Variants in HTRA4 observed in about 807,000 individuals in gnomAD.
HTRA4 encodes the protein serine protease HTRA4.
In HTRA4, 46 loss-of-function variants were observed where a neutral mutation model predicts 49.1. The observed-to-expected ratio is 0.94, with a 90% CI of 0.74 to 1.20. HTRA4 has a LOEUF of 1.20. Among genes scored for constraint, HTRA4 ranks in the 50% most tolerant of loss-of-function variants. HTRA4 has a pLI of 0.00. For missense variants in HTRA4, 602 were observed against 636.9 expected (o/e 0.95, Z 0.59); for synonymous variants, 261 against 264.0 (o/e 0.99, Z 0.11).
chr8:38,979,134 T>G, intron 4 of HTRA4, 81 bp from the exon 5 acceptor site: 4 of 1,318,538 alleles, frequency 3.0e-6, no homozygotes, highest in Non-Finnish European at 4.4e-6. Flanking sequence ...TTTGGTAAAC[T>G]GTTTTGGGAG....
Position 38,978,051 on chromosome 8 carries a change from T to G in HTRA4, c.870T>G (p.Ala290=), listed in dbSNP as rs980534338. 1.2e-6 allele frequency: 2 copies of G among 1,614,052 alleles called. No homozygotes were observed. The highest frequency in any genetic ancestry group is 2.7e-5 in the African/African-American group (2 of 74,912). The part of the protein sequence containing the change: ...LGSPFSLQNT[A]TAGIVSTKQR... ...GCCCATTTTCTCTGCAGAACACAGC[T>G]ACTGCAGGAATTGTCAGCACCAAAC... The change falls in exon 4 of 9, where the codon GCT becomes GCG. Residue 290 remains alanine, a synonymous_variant. Transcript: ENST00000302495.
intron 7 of HTRA4, 76 bp from the exon 8 acceptor site, chr8:38,982,877 C>T: frequency 1.1e-6 from 1 of 941,800 alleles, no homozygotes; most frequent in Non-Finnish European, 1.7e-6. Flanking sequence ...GAACAGAGTA[C>T]CTACTAAGAA....
chr8:38,977,898 C>T (rs144867751), intron 3 of HTRA4, 55 bp from the exon 4 acceptor site: 83 of 1,568,566 alleles, frequency 5.3e-5, no homozygotes, highest in African/African-American at 5.0e-4. Flanking sequence ...CAATTCTGAT[C>T]GTGATTTGTT....
In HTRA4 at chr8:38,976,614, AATGCCC is replaced by A. The variant is rs779862993; in HGVS notation, c.650_655del (p.Ala217_His218del). On this transcript the variant is annotated inframe_deletion, in exon 3 of 9. Coordinates refer to ENST00000302495, the MANE Select transcript of HTRA4 (RefSeq NM_153692.4). Reference sequence around the variant, plus strand: ...GTCTGAGGACGGGCTCATTATTACCAATGCCCATGTTGTCAGGAACCAGCAGTGGAT... The same window carrying A: ...GTCTGAGGACGGGCTCATTATTACCAATGTTGTCAGGAACCAGCAGTGGAT... 3 of 1,614,112 alleles carry A rather than the reference AATGCCC, an allele frequency of 1.9e-6. No homozygotes were observed. The highest frequency in any genetic ancestry group is 2.5e-6 in the Non-Finnish European group (3 of 1,180,028).
At position 38,979,235 on chromosome 8, in the gene HTRA4, T is replaced by G; in HGVS notation, c.987T>G (p.Pro329=). The G allele has an allele frequency of 6.2e-7, 1 of 1,613,396 alleles. No homozygotes were observed. Among genetic ancestry groups the G allele is most frequent in the Non-Finnish European group, 8.5e-7 (1 of 1,179,288 alleles). ...ATINYGNSGG[P]LVNLDGDVIG... ...TTTAGTATGGGAATTCTGGTGGTCC[T>G]CTGGTGAACTTGGTAAGTGATCACT... The change falls in exon 5 of 9, where the codon CCT becomes CCG. Residue 329 remains proline, a synonymous_variant. Transcript: ENST00000302495.
In HTRA4 at chr8:38,979,896, A is replaced by G. The variant is rs137994121; in HGVS notation, c.999+649A>G. On this transcript the variant is annotated intron_variant, in intron 5 of 8. Transcript: ENST00000302495. Reference sequence around the variant, plus strand: ...AATGTAGGTCCTTGAAGACTCCTTGATGCTGCATATGAAGAACTATCTCTC... The same window carrying G: ...AATGTAGGTCCTTGAAGACTCCTTGGTGCTGCATATGAAGAACTATCTCTC... Among the ~76,000 whole-genome samples the G allele has an allele frequency of 1.2e-3, 180 of 152,314 alleles. 1 individual carries two copies. The highest frequency in any genetic ancestry group is 3.9e-3 in the African/African-American group (163 of 41,570).
chr8:38,983,391 G>A (rs1835446850), intron 8 of HTRA4, among the ~76,000 whole-genome samples: 1 of 151,980 alleles, frequency 6.6e-6, no homozygotes, highest in Admixed American at 6.6e-5. Flanking sequence ...ACAAAAATTA[G>A]TGGGTGCGCC....
chr8:38,975,344 G>A (rs772234790), intron 2 of HTRA4, among the ~76,000 whole-genome samples: 2 of 152,220 alleles, frequency 1.3e-5, no homozygotes, highest in Admixed American at 1.3e-4. Flanking sequence ...GCCCACTTAG[G>A]TGGCTGGTGC....
At chr8:38,983,816 T>G (rs968329614) in intron 8 of HTRA4, among the ~76,000 whole-genome samples, 3 of 151,876 alleles carry the variant, frequency 2.0e-5, no homozygotes, top group African/African-American at 7.3e-5. Flanking sequence ...AGGCTTTTTT[T>G]GTATTTTGGG....
intron 8 of HTRA4, among the ~76,000 whole-genome samples, chr8:38,986,130 C>T (rs891640480): frequency 4.6e-5 from 7 of 152,186 alleles, no homozygotes; most frequent in Non-Finnish European, 8.8e-5. Flanking sequence ...CACTGTATTC[C>T]AGCCTGGGTA....
intron 3 of HTRA4, among the ~76,000 whole-genome samples, chr8:38,977,195 C>T (rs1325122165): frequency 6.6e-6 from 1 of 151,992 alleles, no homozygotes. Context: ...TTCGGCCTCC[C>T]AAAGTGCTGG....
intron 3 of HTRA4, 28 bp from the exon 4 acceptor site, chr8:38,977,925 C>T: frequency 6.2e-7 from 1 of 1,604,700 alleles, no homozygotes; most frequent in Non-Finnish European, 8.5e-7. Flanking sequence ...CCTTTCTGTC[C>T]TCCCCATCCC....
chr8:38,977,560 T>A lies in HTRA4; in HGVS notation c.772-393T>A, dbSNP rs546469900. On this transcript the variant is annotated intron_variant, in intron 3 of 8. Coordinates refer to ENST00000302495, the MANE Select transcript of HTRA4 (RefSeq NM_153692.4). ...CATGCACATTACAGTGTGAGAAGTGTCACCCTGGGTGATCTCCTTTCTGTT... is the reference window on the plus strand; with the variant it reads ...CATGCACATTACAGTGTGAGAAGTGACACCCTGGGTGATCTCCTTTCTGTT... Among the ~76,000 whole-genome samples the A allele has an allele frequency of 2.1e-4, 32 of 152,312 alleles. 1 individual carries two copies. In the South Asian group the frequency reaches 5.8e-3, roughly 28 times the overall value.
At chr8:38,984,303 A>G (rs1331007609) in intron 8 of HTRA4, among the ~76,000 whole-genome samples, 1 of 151,340 alleles carries the variant, frequency 6.6e-6, no homozygotes, top group African/African-American at 2.4e-5. Flanking sequence ...GCCTGGCCAT[A>G]TTTTAGGTAT....
At chr8:38,981,344 G>C (rs1374083936) in intron 5 of HTRA4, among the ~76,000 whole-genome samples, 1 of 151,910 alleles carries the variant, frequency 6.6e-6, no homozygotes, top group Non-Finnish European at 1.5e-5. Context: ...CTCCCAAAGT[G>C]CTGGGATTAC....
chr8:38,982,091 G>A (rs556081124), intron 6 of HTRA4, among the ~76,000 whole-genome samples: 4 of 152,084 alleles, frequency 2.6e-5, no homozygotes, highest in South Asian at 2.1e-4. Flanking sequence ...CCAGTGATCC[G>A]CTTGCCTCGG....
intron 5 of HTRA4, among the ~76,000 whole-genome samples, chr8:38,981,054 T>C (rs1835412005): frequency 7.3e-6 from 1 of 137,896 alleles, no homozygotes; most frequent in Non-Finnish European, 1.6e-5. Context: ...AGGAAAAAAA[T>C]GAGCTTAAGT....
chr8:38,982,872 G>A (rs1438217400), intron 7 of HTRA4, 81 bp from the exon 8 acceptor site: 6 of 899,666 alleles, frequency 6.7e-6, no homozygotes, highest in African/African-American at 1.7e-5. Context: ...GAGCAGAACA[G>A]AGTACCTACT....
Position 38,974,669 on chromosome 8 carries a change from G to C in HTRA4, c.406G>C (p.Ala136Pro). The C allele has an allele frequency of 7.1e-7, 1 of 1,399,506 alleles. No homozygotes were observed. The highest frequency in any genetic ancestry group is 9.2e-7 in the Non-Finnish European group (1 of 1,086,616). 86.7% of individuals were successfully genotyped at this position (1,399,506 alleles called of 1,614,324 possible). The change falls in exon 1 of 9, where the codon GCG becomes CCG. Residue 136 changes from alanine to proline, a missense_variant. By Grantham distance (27) the Ala-to-Pro change is conservative. Coordinates refer to ENST00000302495, the MANE Select transcript of HTRA4 (RefSeq NM_153692.4). ...CGCGCTCCGGGCCGAAAACCGCGCCGCGCGCCGCCTGGGCAAGGTCCCGGC... is the reference window on the plus strand; with the variant it reads ...CGCGCTCCGGGCCGAAAACCGCGCCCCGCGCCGCCTGGGCAAGGTCCCGGC... ...MCALRAENRA[A>P]RRLGKVPAVP...
Sources: allele counts gnomAD v4.1 joint callset (sites outside exome capture counted in the v4.1 genomes callset), GRCh38; gene constraint gnomAD v4.1.1; transcripts MANE v1.5; gene names NCBI Gene and HGNC (gene_info 2026-07-23, HGNC 2026-07-21).